Variants in MED12L observed in about 807,000 individuals in gnomAD.
The protein encoded by MED12L is mediator of RNA polymerase II transcription subunit 12-like protein.
A neutral mutation model predicts 281.3 loss-of-function variants in MED12L; 60 were observed. That is an observed-to-expected ratio of 0.21 (90% CI 0.17 to 0.26). The LOEUF is 0.26. Ranked by LOEUF, MED12L falls within the 10% of genes least tolerant of loss-of-function variation. MED12L has a pLI of 1.00. For synonymous variants in MED12L, 974 were observed against 987.2 expected (o/e 0.99, Z 0.25); for missense variants, 2,146 against 2,680.9 (o/e 0.80, Z 4.41).
At chr3:151,170,521 A>G (rs149414289) in intron 11 of MED12L, among the ~76,000 whole-genome samples, 1 of 151,390 alleles carries the variant, frequency 6.6e-6, no homozygotes, top group Non-Finnish European at 1.5e-5. Flanking sequence ...TGATCCACCC[A>G]CCTCAGCCTC....
intron 42 of MED12L, among the ~76,000 whole-genome samples, chr3:151,415,423 G>A (rs62285923): frequency 0.17 from 26,018 of 152,168 alleles, 2,740 homozygotes; most frequent in East Asian, 0.33. Context: ...TCCAACTTGC[G>A]TTGTTCTTGT....
At chr3:151,142,046 C>G (rs1717105405) in intron 5 of MED12L, among the ~76,000 whole-genome samples, 1 of 152,208 alleles carries the variant, frequency 6.6e-6, no homozygotes, top group Non-Finnish European at 1.5e-5. Context: ...AGATAGTATA[C>G]TACAAAATAA....
chr3:151,124,485 T>C (rs1714209936), intron 4 of MED12L, among the ~76,000 whole-genome samples: 1 of 152,226 alleles, frequency 6.6e-6, no homozygotes, highest in Non-Finnish European at 1.5e-5. Context: ...CCTCAGCATA[T>C]CATCTTCTTG....
chr3:151,181,138 T>C (rs1006310834), intron 11 of MED12L, among the ~76,000 whole-genome samples: 2 of 152,160 alleles, frequency 1.3e-5, no homozygotes, highest in Admixed American at 1.3e-4. Context: ...GCTTATTTCA[T>C]ATTTGGAATC....
At chr3:151,272,229 G>C (rs1195862580) in intron 16 of MED12L, among the ~76,000 whole-genome samples, 9 of 152,158 alleles carry the variant, frequency 5.9e-5, no homozygotes, top group Non-Finnish European at 2.9e-5. Flanking sequence ...GATGCAAAGA[G>C]GTAAATGTTT....
Position 151,430,353 on chromosome 3 carries a change from G to T in MED12L, c.6463G>T (p.Val2155Leu), listed in dbSNP as rs1280428633. 1 of 1,614,104 alleles carries T rather than the reference G, an allele frequency of 6.2e-7. No homozygotes were observed. Among genetic ancestry groups the T allele is most frequent in the East Asian group, 2.2e-5 (1 of 44,878 alleles). Residue 2155 changes from valine to leucine, a missense_variant, in exon 44 of 45, where the codon GTG becomes TTG. Around this residue, in one of 9 missense-constraint regions of MED12L, gnomAD observed 5 missense variants for 19.9 expected, o/e 0.25. Transcript: ENST00000687756. ...TQQQQQTAAL[V>L]RQLQKQLSSN... is the part of the protein sequence containing the mutation. ...GCAGCAGCAGCAGACGGCCGCCTTG[G>T]TGCGGCAGCTCCAGAAGCAGCTTTC... is the stretch of plus-strand genomic sequence containing the variant.
intron 11 of MED12L, among the ~76,000 whole-genome samples, chr3:151,166,425 A>G (rs1050051077): frequency 6.6e-6 from 1 of 152,176 alleles, no homozygotes; most frequent in African/African-American, 2.4e-5. Flanking sequence ...TAGAACCAAT[A>G]GAAAAAAAGT....
intron 32 of MED12L, among the ~76,000 whole-genome samples, chr3:151,381,485 ATGTTAC>A (rs1270466926): frequency 6.6e-6 from 1 of 152,178 alleles, no homozygotes; most frequent in Non-Finnish European, 1.5e-5. Flanking sequence ...TGCACTGGCC[ATGTTAC>A]TGTTCTTGAA....
At position 151,345,471 on chromosome 3, in the gene MED12L, G is replaced by A. The variant is rs149740447; in HGVS notation, c.2251-4588G>A. Among the ~76,000 whole-genome samples the A allele has an allele frequency of 5.5e-3, 830 of 150,736 alleles. 27 individuals are homozygous for A. Among genetic ancestry groups the A allele is most frequent in the Admixed American group, 0.049 (744 of 15,114 alleles). ...GGTTGACTTTATTCTCATTTGTTATGAATTGCTATTTGAAGGCTTCTACGT... is the reference window on the plus strand; with the variant it reads ...GGTTGACTTTATTCTCATTTGTTATAAATTGCTATTTGAAGGCTTCTACGT... On this transcript the variant is annotated intron_variant, in intron 16 of 44. Transcript: ENST00000687756.
intron 16 of MED12L, among the ~76,000 whole-genome samples, chr3:151,263,539 A>T (rs1235096560): frequency 2.6e-5 from 4 of 152,228 alleles, no homozygotes; most frequent in Non-Finnish European, 5.9e-5. Flanking sequence ...TTTCCAAAAT[A>T]TCATGAGCTT....
Position 151,115,327 on chromosome 3 carries a change from CTTTTTTTTTTTTTTTTTTTTTTTTTT to C in MED12L, c.100-997_100-972del, listed in dbSNP as rs66728754. ...AACTGTGGGCTCTCTGGAAACAATT[CTTTTTTTTTTTTTTTTTTTTTTTTTT>C]TTTTTTTTTTTTTGAGATGGAGTCT... On this transcript the variant is annotated intron_variant, in intron 2 of 44. Transcript: ENST00000687756. Among the ~76,000 whole-genome samples, 6 of 60,804 alleles carry C rather than the reference CTTTTTTTTTTTTTTTTTTTTTTTTTT, an allele frequency of 9.9e-5. No homozygotes were observed. In the South Asian group the frequency reaches 2.0e-3, roughly 20 times the overall value. 39.9% of individuals were successfully genotyped at this position (60,804 alleles called of 152,430 possible).
chr3:151,343,596 G>C (rs1187156282), intron 16 of MED12L, among the ~76,000 whole-genome samples: 1 of 151,734 alleles, frequency 6.6e-6, no homozygotes, highest in East Asian at 1.9e-4. Flanking sequence ...GCAAGTTATA[G>C]ATACTTTAAT....
At chr3:151,388,641 T>C (rs969063043) in intron 37 of MED12L, among the ~76,000 whole-genome samples, 1 of 152,234 alleles carries the variant, frequency 6.6e-6, no homozygotes, top group Non-Finnish European at 1.5e-5. Flanking sequence ...TGAGATTTTA[T>C]GTTTTACTAT....
At chr3:151,174,020 G>A (rs1387926078) in intron 11 of MED12L, among the ~76,000 whole-genome samples, 2 of 152,172 alleles carry the variant, frequency 1.3e-5, no homozygotes, top group Admixed American at 1.3e-4. Flanking sequence ...AAATATTTGA[G>A]AGTAGAAGTG....
In MED12L at chr3:151,100,759, A is replaced by G. The variant is rs141686611; in HGVS notation, c.99+13734A>G. 1.2e-3 allele frequency among the ~76,000 whole-genome samples: 188 copies of G among 152,330 alleles called. 3 individuals carry two copies. Among genetic ancestry groups the G allele is most frequent in the East Asian group, 8.1e-3 (42 of 5,192 alleles). On this transcript the variant is annotated intron_variant, in intron 2 of 44. Transcript: ENST00000687756. Reference sequence around the variant, plus strand: ...AATTGGAGACACTATTTACATTTCTACTACTCACTTGAATCTGCTTTTAAG... The same window carrying G: ...AATTGGAGACACTATTTACATTTCTGCTACTCACTTGAATCTGCTTTTAAG...
At position 151,363,197 on chromosome 3, in the gene MED12L, G is replaced by T. The variant is rs147128884; in HGVS notation, c.2958-1782G>T. On this transcript the variant is annotated intron_variant, in intron 21 of 44. Coordinates refer to ENST00000687756, the MANE Select transcript of MED12L (RefSeq NM_001393769.1). ...ATCATAGTGATTGGCACTGTCTAAA[G>T]TTTCCTCTATTTGAAAAAATGAAAG... Among the ~76,000 whole-genome samples, 726 of 152,156 alleles carry T rather than the reference G, an allele frequency of 4.8e-3. 5 individuals carry two copies. Among genetic ancestry groups the T allele is most frequent in the African/African-American group, 0.017 (704 of 41,518 alleles).
intron 2 of MED12L, among the ~76,000 whole-genome samples, chr3:151,115,410 G>A (rs184077926): frequency 2.3e-4 from 28 of 122,228 alleles, no homozygotes; most frequent in Non-Finnish European, 4.1e-4. Flanking sequence ...GTGCAGTGGT[G>A]TGATCTCGGC....
At chr3:151,086,147 G>T (rs1719145467) in intron 1 of MED12L, among the ~76,000 whole-genome samples, 1 of 152,096 alleles carries the variant, frequency 6.6e-6, no homozygotes, top group African/African-American at 2.4e-5. Context: ...CAGCCGCCGC[G>T]ACCGCCAGCA....
Position 151,199,219 on chromosome 3 carries a change from C to G in MED12L, c.2250+5553C>G, listed in dbSNP as rs141844823. 2.0e-5 allele frequency: 32 copies of G among 1,614,012 alleles called. No individual in the cohort carries two copies. The highest frequency in any genetic ancestry group is 1.8e-5 in the Non-Finnish European group (21 of 1,179,942). On this transcript the variant is annotated intron_variant, in intron 16 of 44. Transcript: ENST00000687756. ...GAGTAAGCAGGAAATCGGCTGTAAG[C>G]AAATTAATTAAGTAGATGCTCACAC...
Sources: gnomAD v4.1 joint callset for allele counts (sites outside exome capture counted in the v4.1 genomes callset) on GRCh38, gnomAD v4.1.1 for gene constraint, gnomAD v4.1.1 regional missense constraint, MANE v1.5 for transcripts, NCBI Gene and HGNC (gene_info 2026-07-23, HGNC 2026-07-21) for gene names.